The following USP3 variants were observed in gnomAD, a reference collection of about 807,000 sequenced individuals.
USP3 encodes ubiquitin specific peptidase 3, also known as ubiquitin carboxyl-terminal hydrolase 3.
USP3 carries 20 observed loss-of-function variants against 72.3 expected under a neutral mutation model. The observed-to-expected ratio is 0.28, with a 90% CI of 0.19 to 0.40. USP3 has a LOEUF of 0.40. Among genes scored for constraint, USP3 ranks in the 10% least tolerant of loss-of-function variants. The pLI is 1.00. For missense variants in USP3, 479 were observed against 633.9 expected, an observed-to-expected ratio of 0.76 and a Z score of 2.62; for synonymous variants, 222 against 225.3, an observed-to-expected ratio of 0.99 and a Z score of 0.13.
At chr15:63,525,476 A>C (rs1437786331) in intron 1 of USP3, among the ~76,000 whole-genome samples, 1 of 152,130 alleles carries the variant, frequency 6.6e-6, no homozygotes, top group African/African-American at 2.4e-5. Context: ...TCAGACACTG[A>C]TTTTGGCTGC....
At chr15:63,521,701 G>A (rs2065922926) in intron 1 of USP3, among the ~76,000 whole-genome samples, 1 of 152,202 alleles carries the variant, frequency 6.6e-6, no homozygotes, top group Non-Finnish European at 1.5e-5. Flanking sequence ...CAGACCAGCT[G>A]TTTCGGATAC....
intron 1 of USP3, among the ~76,000 whole-genome samples, chr15:63,530,247 A>G (rs1274972287): frequency 1.4e-5 from 2 of 145,670 alleles, no homozygotes; most frequent in Admixed American, 1.4e-4. Flanking sequence ...AGTTACCGTC[A>G]TCCTTCCTTC....
At position 63,588,541 on chromosome 15, in the gene USP3, G is replaced by A; in HGVS notation, c.1215+118G>A. The A allele has an allele frequency of 1.0e-6, 1 of 998,390 alleles. No homozygotes were observed. The highest frequency in any genetic ancestry group is 1.6e-5 in the South Asian group (1 of 63,822). The allele number at this position is 998,390 out of a possible 1,614,324, so 61.8% of individuals were successfully genotyped here. A position where few individuals can be genotyped will look rare whatever the true frequency, so the allele number is the denominator to read the frequency against. On this transcript the variant is annotated intron_variant, in intron 12 of 14. Transcript: ENST00000380324. This position sits in a 1 kb window ranked among gnomAD's most constrained non-coding sequence, Gnocchi z 4.6. ...TCTGTATTTTTCTCTAGGATTTTCA[G>A]TAAAAGCTAAACCCCTTACAGAATG...
At position 63,588,805 on chromosome 15, in the gene USP3, A is replaced by C; in HGVS notation, c.1319A>C (p.Tyr440Ser). Reference sequence around the variant, plus strand: ...CTGAGAGGCCTAGACATGAAATGCTACTTACTAGAGGTAAGGTGGTTACCT... The same window carrying C: ...CTGAGAGGCCTAGACATGAAATGCTCCTTACTAGAGGTAAGGTGGTTACCT... ...FPLRGLDMKC[Y>S]LLEPENSGPE... Residue 440 changes from tyrosine to serine, a missense_variant, in exon 13 of 15, where the codon TAC becomes TCC. Coordinates refer to ENST00000380324, the MANE Select transcript of USP3 (RefSeq NM_006537.4). This position sits in a 1 kb window ranked among gnomAD's most constrained non-coding sequence, Gnocchi z 4.6. The C allele has an allele frequency of 6.2e-7, 1 of 1,613,772 alleles. No homozygotes were observed. The highest frequency in any genetic ancestry group is 8.5e-7 in the Non-Finnish European group (1 of 1,179,680).
At chr15:63,563,332 T>C (rs2066637183) in intron 8 of USP3, among the ~76,000 whole-genome samples, 2 of 152,204 alleles carry the variant, frequency 1.3e-5, no homozygotes, top group African/African-American at 4.8e-5. Context: ...TGTAGAATAA[T>C]TACCATCACA....
At position 63,574,376 on chromosome 15, in the gene USP3, GA is replaced by G; in HGVS notation, c.1073del (p.Asn358MetfsTer17). 1 of 1,605,548 alleles carries G rather than the reference GA, an allele frequency of 6.2e-7. No homozygotes were observed. Among genetic ancestry groups the G allele is most frequent in the Admixed American group, 1.7e-5 (1 of 58,654 alleles). Reference protein sequence around the residue: ...QFRSKRSKNQENGPVCSLRDC... With the variant: ...QFRSKRSKNQXNGPVCSLRDC... The stretch of plus-strand genomic sequence containing the variant: ...CAGAAGTAAGCGCTCTAAGAATCAA[GA>G]AAATGGACCAGTTTGTTCGTTACGA... On this transcript the variant is annotated frameshift_variant, in exon 11 of 15. Transcript: ENST00000380324. LOFTEE classifies it high-confidence loss of function. The surrounding 1 kb of genome is among the most constrained non-coding windows in gnomAD (Gnocchi z 4.6).
chr15:63,553,734 G>T lies in USP3; in HGVS notation c.304G>T (p.Val102Leu). The T allele has an allele frequency of 6.2e-7, 1 of 1,612,602 alleles. No homozygotes were observed. The highest frequency in any genetic ancestry group is 2.2e-5 in the East Asian group (1 of 44,762). ...STYCYRCDDF[V>L]VNDTKLGLVQ... ...TTGCAGTTATCGCTGTGATGATTTT[G>T]TGGTTAATGACACCAAGCTGGGACT... The change falls in exon 4 of 15, where the codon GTG becomes TTG. Residue 102 changes from valine to leucine, a missense_variant. By Grantham distance (32) the Val-to-Leu change is conservative. Transcript: ENST00000380324. The surrounding 1 kb of genome is among the most constrained non-coding windows in gnomAD (Gnocchi z 4.2).
At chr15:63,543,568 T>G (rs1042654799) in intron 3 of USP3, among the ~76,000 whole-genome samples, 1 of 152,232 alleles carries the variant, frequency 6.6e-6, no homozygotes, top group African/African-American at 2.4e-5. Context: ...GGTGTCCTCA[T>G]TCTGTTTACT....
chr15:63,526,208 G>A (rs8038989), intron 1 of USP3, among the ~76,000 whole-genome samples: 116,837 of 152,110 alleles, frequency 0.77, 46,559 homozygotes, highest in African/African-American at 0.84. Flanking sequence ...CCGGTATGTA[G>A]TACATACATA....
At chr15:63,523,605 A>G (rs899682586) in intron 1 of USP3, among the ~76,000 whole-genome samples, 11 of 152,190 alleles carry the variant, frequency 7.2e-5, no homozygotes, top group Non-Finnish European at 1.5e-4. Flanking sequence ...TGTGGAGCAG[A>G]GTTTCCTGGT....
Position 63,590,793 on chromosome 15 carries a change from A to C in USP3, c.1530A>C (p.Glu510Asp), listed in dbSNP as rs758499284. ...AGGCCTACATCCTTTTCTACGTGGA[A>C]CACCAGGCCAAAGCTGGATCGGATA... ...KAKAYILFYV[E>D]HQAKAGSDKL is the part of the protein sequence containing the mutation. Residue 510 changes from glutamate to aspartate, a missense_variant, in exon 15 of 15, where the codon GAA (glutamate) becomes GAC (aspartate). Glu to Asp is a conservative substitution (Grantham distance 45). Transcript: ENST00000380324. 1.2e-6 allele frequency: 2 copies of C among 1,613,898 alleles called. No individual in the cohort carries two copies. Among genetic ancestry groups the C allele is most frequent in the Non-Finnish European group, 1.7e-6 (2 of 1,179,984 alleles).
intron 3 of USP3, among the ~76,000 whole-genome samples, chr15:63,550,410 T>A (rs1169643168): frequency 6.6e-6 from 1 of 152,168 alleles, no homozygotes; most frequent in Non-Finnish European, 1.5e-5. Context: ...ATAAGAGAAA[T>A]AAATCCAACA....
At chr15:63,534,506 G>A (rs2066125904) in intron 2 of USP3, among the ~76,000 whole-genome samples, 1 of 152,086 alleles carries the variant, frequency 6.6e-6, no homozygotes, top group South Asian at 2.1e-4. Context: ...TTGTGCTGTA[G>A]ACCAAAATGT....
intron 1 of USP3, among the ~76,000 whole-genome samples, chr15:63,514,461 C>T (rs1179074385): frequency 1.3e-5 from 2 of 151,984 alleles, no homozygotes; most frequent in Non-Finnish European, 2.9e-5. Flanking sequence ...TACGTATTTG[C>T]CAAGTTTGTA....
intron 3 of USP3, among the ~76,000 whole-genome samples, chr15:63,543,270 A>G (rs1293682538): frequency 2.6e-5 from 4 of 152,118 alleles, no homozygotes; most frequent in African/African-American, 9.7e-5. Context: ...GGTTTACATG[A>G]TGGTCCTCAA....
At chr15:63,505,204 C>T (rs1486121050) in intron 1 of USP3, among the ~76,000 whole-genome samples, 1 of 151,974 alleles carries the variant, frequency 6.6e-6, no homozygotes, top group Non-Finnish European at 1.5e-5. Context: ...GGCGGGTGTC[C>T]GGCCCCCGAG....
chr15:63,539,262 A>G (rs528141487), intron 3 of USP3, among the ~76,000 whole-genome samples: 4 of 152,278 alleles, frequency 2.6e-5, no homozygotes, highest in East Asian at 3.9e-4. Context: ...TCACATTGTC[A>G]TGGGTCACAT....
At chr15:63,519,455 A>C (rs995130815) in intron 1 of USP3, among the ~76,000 whole-genome samples, 1 of 152,020 alleles carries the variant, frequency 6.6e-6, no homozygotes, top group Non-Finnish European at 1.5e-5. Context: ...AGATTCAGGT[A>C]ATGCATTTTT....
intron 8 of USP3, among the ~76,000 whole-genome samples, chr15:63,567,611 G>A (rs2066712228): frequency 1.3e-5 from 2 of 152,106 alleles, no homozygotes; most frequent in South Asian, 2.1e-4. Context: ...CTCCCAAAGT[G>A]CTGGGATTAC....
Sources: gnomAD v4.1 joint callset for allele counts (sites outside exome capture counted in the v4.1 genomes callset) on GRCh38, gnomAD v4.1.1 for gene constraint, Gnocchi (gnomAD v3.1) non-coding constraint, MANE v1.5 for transcripts, NCBI Gene and HGNC (gene_info 2026-07-23, HGNC 2026-07-21) for gene names.